The following CTNND2 variants were observed in gnomAD, a reference collection of about 807,000 sequenced individuals.
The protein encoded by CTNND2 is catenin delta-2.
A neutral mutation model predicts 144.4 loss-of-function variants in CTNND2; 22 were observed. The observed-to-expected ratio is 0.15, with a 90% CI of 0.11 to 0.22. CTNND2 has a LOEUF of 0.22. Ranked by LOEUF, CTNND2 falls within the 10% of genes least tolerant of loss-of-function variation. The pLI, the probability that CTNND2 is intolerant of heterozygous loss-of-function variation, is 1.00. For synonymous variants in CTNND2, 751 were observed against 695.6 expected (o/e 1.08, Z -1.25); for missense variants, 1,353 against 1,618.8 (o/e 0.84, Z 2.82).
Position 11,429,727 on chromosome 5 carries a change from G to A in CTNND2, c.288-17658C>T, listed in dbSNP as rs77439670. Reference sequence around the variant, plus strand: ...GCACCACAGAAGATTAGACTTTGGCGTTTTGTATAGATTTTCCAAAAGCAT... The same window carrying A: ...GCACCACAGAAGATTAGACTTTGGCATTTTGTATAGATTTTCCAAAAGCAT... On this transcript the variant is annotated intron_variant, in intron 3 of 21. Transcript: ENST00000304623. Among the ~76,000 whole-genome samples the A allele has an allele frequency of 1.6e-3, 245 of 152,198 alleles. 1 individual carries two copies. Among genetic ancestry groups the A allele is most frequent in the African/African-American group, 3.9e-3 (164 of 41,546 alleles).
At chr5:11,691,097 C>T (rs1241446359) in intron 2 of CTNND2, among the ~76,000 whole-genome samples, 2 of 152,046 alleles carry the variant, frequency 1.3e-5, no homozygotes, top group Admixed American at 1.3e-4. Context: ...AATGGCCGGG[C>T]GCGGTGGCTC....
chr5:11,380,198 A>G (rs530294837), intron 7 of CTNND2, among the ~76,000 whole-genome samples: 20 of 152,180 alleles, frequency 1.3e-4, no homozygotes, highest in Non-Finnish European at 2.4e-4. Context: ...TCCGAAACTA[A>G]GTCTCTTGAA....
chr5:11,066,364 G>C (rs1213687200), intron 16 of CTNND2, among the ~76,000 whole-genome samples: 2 of 152,260 alleles, frequency 1.3e-5, no homozygotes, highest in East Asian at 3.9e-4. Context: ...CTTAACCTGA[G>C]CATTTCCTTC....
At chr5:11,887,401 A>G (rs1736635700) in intron 1 of CTNND2, among the ~76,000 whole-genome samples, 1 of 152,192 alleles carries the variant, frequency 6.6e-6, no homozygotes, top group Admixed American at 6.5e-5. Flanking sequence ...TTAATTAGAA[A>G]TCAATTTGAA....
intron 1 of CTNND2, among the ~76,000 whole-genome samples, chr5:11,855,941 C>T (rs1052230021): frequency 3.3e-5 from 5 of 152,224 alleles, no homozygotes; most frequent in African/African-American, 1.2e-4. Flanking sequence ...CTCTTCACTG[C>T]TTTATCTAAG....
At chr5:11,541,847 C>A (rs989631744) in intron 3 of CTNND2, among the ~76,000 whole-genome samples, 25 of 142,572 alleles carry the variant, frequency 1.8e-4, no homozygotes, top group East Asian at 4.0e-4. Flanking sequence ...GACCCCCCCC[C>A]CCCGGCCAAA....
rs117310886 is a variant in CTNND2 at position 11,417,401 on chromosome 5, T to C, written c.288-5332A>G. Among the ~76,000 whole-genome samples, 114 of 152,252 alleles carry C rather than the reference T, an allele frequency of 7.5e-4. 3 individuals are homozygous for C. In the East Asian group the frequency reaches 0.016, roughly 22 times the overall value. ...TAAGCCACAACCTGGGAGAAAATAT[T>C]TGCAAGGCATATAACTTACAAAAGC... On this transcript the variant is annotated intron_variant, in intron 3 of 21. Coordinates refer to ENST00000304623, the MANE Select transcript of CTNND2 (RefSeq NM_001332.4).
intron 1 of CTNND2, among the ~76,000 whole-genome samples, chr5:11,807,038 T>C (rs1024408822): frequency 6.6e-6 from 1 of 152,186 alleles, no homozygotes; most frequent in African/African-American, 2.4e-5. Flanking sequence ...TTTAACATTC[T>C]GCGTCCATTT....
chr5:10,981,120 C>T (rs1272730777), intron 21 of CTNND2, among the ~76,000 whole-genome samples: 1 of 152,120 alleles, frequency 6.6e-6, no homozygotes. Flanking sequence ...CACACAAGCG[C>T]ATCTAATTAG....
chr5:11,760,992 T>G (rs768261026), intron 1 of CTNND2, among the ~76,000 whole-genome samples: 1 of 152,212 alleles, frequency 6.6e-6, no homozygotes, highest in Non-Finnish European at 1.5e-5. Context: ...GTATGAGTAT[T>G]TGTTTTGCCT....
At chr5:11,388,773 C>T (rs1358634712) in intron 6 of CTNND2, among the ~76,000 whole-genome samples, 2 of 152,152 alleles carry the variant, frequency 1.3e-5, no homozygotes, top group Non-Finnish European at 2.9e-5. Flanking sequence ...TTATTACTAC[C>T]CATCGTTGCA....
At chr5:11,643,869 A>C (rs1263651306) in intron 2 of CTNND2, among the ~76,000 whole-genome samples, 2 of 152,208 alleles carry the variant, frequency 1.3e-5, no homozygotes, top group African/African-American at 4.8e-5. Context: ...CATGAAGTAA[A>C]ACGAAAGAAT....
At chr5:11,104,928 G>A (rs1752273277) in intron 14 of CTNND2, among the ~76,000 whole-genome samples, 1 of 152,242 alleles carries the variant, frequency 6.6e-6, no homozygotes, top group Admixed American at 6.5e-5. Context: ...CCTTGCTGAT[G>A]CACCTCCTCC....
chr5:11,561,828 G>A (rs903608408), intron 3 of CTNND2, among the ~76,000 whole-genome samples: 3 of 152,132 alleles, frequency 2.0e-5, no homozygotes, highest in Admixed American at 1.3e-4. Flanking sequence ...GATCACTTGA[G>A]GTCAGGAGTT....
At position 11,170,711 on chromosome 5, in the gene CTNND2, C is replaced by CT. The variant is rs552979428; in HGVS notation, c.1976-10953dup. 2.8e-3 allele frequency among the ~76,000 whole-genome samples: 419 copies of CT among 152,204 alleles called. 3 individuals are homozygous for CT. Among genetic ancestry groups the CT allele is most frequent in the Middle Eastern group, 6.8e-3 (2 of 294 alleles). Reference sequence around the variant, plus strand: ...CACCACACTAATTTCATGACTAGATCTTTTTTTCAGTTACATCAAAATTGT... The same window carrying CT: ...CACCACACTAATTTCATGACTAGATCTTTTTTTTCAGTTACATCAAAATTGT... On this transcript the variant is annotated intron_variant, in intron 11 of 21. Coordinates refer to ENST00000304623, the MANE Select transcript of CTNND2 (RefSeq NM_001332.4).
At chr5:11,461,602 T>C (rs1050601452) in intron 3 of CTNND2, among the ~76,000 whole-genome samples, 19 of 152,290 alleles carry the variant, frequency 1.2e-4, no homozygotes, top group South Asian at 4.1e-4. Context: ...TTCAATGTGG[T>C]TGACCTATGC....
intron 3 of CTNND2, among the ~76,000 whole-genome samples, chr5:11,535,666 T>C (rs1475497172): frequency 6.6e-6 from 1 of 152,208 alleles, no homozygotes; most frequent in Non-Finnish European, 1.5e-5. Context: ...ATGCTTGACA[T>C]AGCTCAGAAA....
At chr5:11,422,148 T>C (rs953368144) in intron 3 of CTNND2, among the ~76,000 whole-genome samples, 1 of 152,182 alleles carries the variant, frequency 6.6e-6, no homozygotes, top group African/African-American at 2.4e-5. Flanking sequence ...AACTTGTCTA[T>C]ACCTGGGGAC....
At chr5:11,033,456 T>C (rs116588756) in intron 16 of CTNND2, among the ~76,000 whole-genome samples, 2,941 of 152,296 alleles carry the variant, frequency 0.019, 100 homozygotes, top group African/African-American at 0.067. Context: ...TCCTTGTATA[T>C]GTAATTACAA....
Sources: gnomAD v4.1 joint callset for allele counts (sites outside exome capture counted in the v4.1 genomes callset) on GRCh38, gnomAD v4.1.1 for gene constraint, MANE v1.5 for transcripts, NCBI Gene and HGNC (gene_info 2026-07-23, HGNC 2026-07-21) for gene names.